Variants in TMEM87B observed in about 807,000 individuals in gnomAD.
The protein encoded by TMEM87B is transmembrane protein 87B.
Under a neutral mutation model 80.3 loss-of-function variants are expected in TMEM87B, and 83 were observed. The observed-to-expected ratio is 1.03, with a 90% CI of 0.87 to 1.24. The LOEUF (loss-of-function observed/expected upper bound fraction) is 1.24. Ranked by LOEUF, TMEM87B falls within the 50% of genes most tolerant of loss-of-function variation. The pLI is 0.00. For missense variants in TMEM87B, 625 were observed against 674.4 expected, an observed-to-expected ratio of 0.93 and a Z score of 0.81; for synonymous variants, 219 against 230.5, an observed-to-expected ratio of 0.95 and a Z score of 0.45.
chr2:112,075,062 G>T, intron 5 of TMEM87B, 100 bp downstream of exon 5: 1 of 1,449,238 alleles, frequency 6.9e-7, no homozygotes, highest in East Asian at 2.7e-5. Flanking sequence ...ATATAAAGTA[G>T]GGTTATTAGA....
At chr2:112,078,209 C>T (rs1453927805) in intron 6 of TMEM87B, among the ~76,000 whole-genome samples, 1 of 152,178 alleles carries the variant, frequency 6.6e-6, no homozygotes, top group Admixed American at 6.5e-5. Context: ...GTTTGTGCTG[C>T]TATAATAGAA....
intron 10 of TMEM87B, 108 bp downstream of exon 10, chr2:112,089,826 C>A: frequency 9.7e-7 from 1 of 1,027,042 alleles, no homozygotes; most frequent in Non-Finnish European, 1.5e-6. Context: ...GAAAAAGGCC[C>A]AATTTGAACT....
chr2:112,061,418 C>T (rs1322280027), intron 2 of TMEM87B, among the ~76,000 whole-genome samples: 2 of 152,138 alleles, frequency 1.3e-5, no homozygotes, highest in African/African-American at 4.8e-5. Flanking sequence ...GGCAATTCTT[C>T]CTTTTATGGG....
At chr2:112,075,832 G>A (rs1678796461) in intron 5 of TMEM87B, among the ~76,000 whole-genome samples, 1 of 152,160 alleles carries the variant, frequency 6.6e-6, no homozygotes, top group African/African-American at 2.4e-5. Flanking sequence ...GACAAACTTT[G>A]TACAAAATCT....
chr2:112,108,667 T>C (rs988980426), intron 17 of TMEM87B, among the ~76,000 whole-genome samples: 1 of 152,186 alleles, frequency 6.6e-6, no homozygotes, highest in African/African-American at 2.4e-5. Context: ...CCACATGTTA[T>C]ATGGGTTTTG....
At chr2:112,074,209 A>G (rs1678742427) in intron 4 of TMEM87B, among the ~76,000 whole-genome samples, 1 of 152,018 alleles carries the variant, frequency 6.6e-6, no homozygotes, top group Non-Finnish European at 1.5e-5. Context: ...GTGGCTGGTA[A>G]TGGTCTTTCC....
rs1680095038 is a variant in TMEM87B, at chr2:112,119,094, T to C, written c.*2951T>C. The stretch of plus-strand genomic sequence containing the variant: ...TATAATATTGGAGCTCAGTACTGCA[T>C]GAAGAGACTTCATTAAAACTAAGAA... On this transcript the variant is annotated 3_prime_UTR_variant, in exon 19 of 19. Transcript: ENST00000283206. 6.6e-6 allele frequency: 1 copy of C among 152,192 alleles called. No individual in the cohort carries two copies. The highest frequency in any genetic ancestry group is 2.4e-5 in the African/African-American group (1 of 41,462). The allele number at this position is 152,192 out of a possible 1,614,324, so 9.4% of individuals were successfully genotyped here.
intron 4 of TMEM87B, among the ~76,000 whole-genome samples, chr2:112,068,299 C>G (rs1227806151): frequency 6.6e-6 from 1 of 152,144 alleles, no homozygotes; most frequent in Non-Finnish European, 1.5e-5. Flanking sequence ...ATTTTTTGTT[C>G]TTTTGTAAAT....
At chr2:112,113,000 G>T in intron 18 of TMEM87B, 71 bp downstream of exon 18, 1 of 1,380,232 alleles carries the variant, frequency 7.2e-7, no homozygotes. Context: ...TCAGAAAGAA[G>T]TTCTGAAAGC....
intron 2 of TMEM87B, among the ~76,000 whole-genome samples, chr2:112,062,884 G>T (rs1678298549): frequency 6.6e-6 from 1 of 151,898 alleles, no homozygotes. Flanking sequence ...TCCCAACTCT[G>T]TGTGAGCTCT....
chr2:112,100,723 A>G, intron 15 of TMEM87B, 28 bp downstream of exon 15: 1 of 1,410,882 alleles, frequency 7.1e-7, no homozygotes, highest in Non-Finnish European at 1.0e-6. Flanking sequence ...TTTTTAAATG[A>G]CCATTGTACA....
At chr2:112,056,857 A>G (rs971330353) in intron 1 of TMEM87B, among the ~76,000 whole-genome samples, 2 of 152,128 alleles carry the variant, frequency 1.3e-5, no homozygotes, top group Non-Finnish European at 2.9e-5. Flanking sequence ...GCACATCTCC[A>G]TTATTTAATT....
At chr2:112,055,918 G>T (rs748419381) in intron 1 of TMEM87B, among the ~76,000 whole-genome samples, 162 bp downstream of exon 1, 91 of 152,332 alleles carry the variant, frequency 6.0e-4, no homozygotes, top group Non-Finnish European at 9.3e-4. Flanking sequence ...CGGGGAGCGG[G>T]GAGCGGCCCC....
At position 112,067,056 on chromosome 2, in the gene TMEM87B, C is replaced by T; in HGVS notation, c.439C>T (p.Pro147Ser). The T allele has an allele frequency of 1.2e-6, 2 of 1,610,236 alleles. No homozygotes were observed. Among genetic ancestry groups the T allele is most frequent in the African/African-American group, 1.3e-5 (1 of 74,842 alleles). ...TTGCAACAGTGATTCACAGGTGTTT[C>T]CCTCTTTGAATGTGAGTATCTGACT... is the stretch of plus-strand genomic sequence containing the variant. ...LDCNSDSQVF[P>S]SLNNKELINI... Residue 147 changes from proline (P) to serine (S), a missense_variant, in exon 4 of 19, where the codon CCC becomes TCC. By Grantham distance (74) the Pro-to-Ser change is moderately conservative. Coordinates refer to ENST00000283206, the MANE Select transcript of TMEM87B (RefSeq NM_032824.3).
At position 112,059,970 on chromosome 2, in the gene TMEM87B, A is replaced by AT; in HGVS notation, c.166-3dup. ...CAAGATCTTCCTGTGTTTGTTTTTC[A>AT]TTTTAGAAATCAGGACCTTTGATAT... is the stretch of plus-strand genomic sequence containing the variant. On this transcript the variant is annotated splice_polypyrimidine_tract_variant and splice_region_variant and intron_variant, in intron 1 of 18. Transcript: ENST00000283206. The AT allele has an allele frequency of 6.3e-7, 1 of 1,593,324 alleles. No individual in the cohort carries two copies. Among genetic ancestry groups the AT allele is most frequent in the Non-Finnish European group, 8.6e-7 (1 of 1,167,302 alleles).
At chr2:112,075,473 T>G (rs1678784695) in intron 5 of TMEM87B, among the ~76,000 whole-genome samples, 1 of 152,242 alleles carries the variant, frequency 6.6e-6, no homozygotes, top group African/African-American at 2.4e-5. Context: ...AAAATATCCT[T>G]AAAGCAATTT....
intron 11 of TMEM87B, among the ~76,000 whole-genome samples, chr2:112,092,835 G>A (rs1400902886): frequency 6.6e-6 from 1 of 152,132 alleles, no homozygotes; most frequent in Non-Finnish European, 1.5e-5. Context: ...GGAAATGGGA[G>A]GAATTCTAGA....
chr2:112,088,315 T>C (rs957036407), intron 9 of TMEM87B, among the ~76,000 whole-genome samples: 3 of 152,198 alleles, frequency 2.0e-5, no homozygotes, highest in African/African-American at 7.2e-5. Flanking sequence ...GTGAAAGGAA[T>C]AGAAGATTAA....
At chr2:112,090,655 G>A (rs1679272623) in intron 10 of TMEM87B, among the ~76,000 whole-genome samples, 1 of 152,014 alleles carries the variant, frequency 6.6e-6, no homozygotes, top group African/African-American at 2.4e-5. Flanking sequence ...TTGAGTTCCT[G>A]GCTGGCCTCA....
Sources: allele counts gnomAD v4.1 joint callset (sites outside exome capture counted in the v4.1 genomes callset), GRCh38; gene constraint gnomAD v4.1.1; transcripts MANE v1.5; gene names NCBI Gene and HGNC (gene_info 2026-07-23, HGNC 2026-07-21).